CUL5: variants seen among roughly 807,000 people sequenced by gnomAD.
CUL5 encodes the protein cullin-5.
CUL5 carries 26 observed loss-of-function variants against 108.8 expected under a neutral mutation model. That is an observed-to-expected ratio of 0.24 (90% CI 0.18 to 0.33). The LOEUF (loss-of-function observed/expected upper bound fraction) is 0.33, where lower values mean the gene tolerates loss of function less well. CUL5 is among the 10% of genes least tolerant of loss of function. The pLI, the probability that CUL5 is intolerant of heterozygous loss-of-function variation, is 1.00. For synonymous variants in CUL5, 334 were observed against 298.0 expected (o/e 1.12, Z -1.25); for missense variants, 524 against 909.2 (o/e 0.58, Z 5.45).
chr11:108,075,101 A>G (rs187877209), intron 10 of CUL5, among the ~76,000 whole-genome samples: 1 of 152,158 alleles, frequency 6.6e-6, no homozygotes, highest in Non-Finnish European at 1.5e-5. Context: ...AAGAAAGAAT[A>G]CCAGTTAAGA....
chr11:108,074,903 T>C (rs559541269), intron 10 of CUL5, among the ~76,000 whole-genome samples: 5 of 152,294 alleles, frequency 3.3e-5, no homozygotes, highest in South Asian at 2.1e-4. Context: ...AAGTCTTAAA[T>C]TGAGTAGCCT....
At chr11:108,095,989 G>A (rs113689317) in intron 16 of CUL5, among the ~76,000 whole-genome samples, 20,324 of 151,326 alleles carry the variant, frequency 0.13, 1,469 homozygotes, top group African/African-American at 0.19. Context: ...CCAGCTACTT[G>A]GGAGGCTGAG....
intron 1 of CUL5, among the ~76,000 whole-genome samples, chr11:108,032,638 A>C (rs1862622422): frequency 6.6e-6 from 1 of 152,040 alleles, no homozygotes; most frequent in Admixed American, 6.6e-5. Context: ...ATTTTTCCTA[A>C]TATTGCACTA....
At chr11:108,078,986 C>T (rs1400680487) in intron 11 of CUL5, among the ~76,000 whole-genome samples, 1 of 152,060 alleles carries the variant, frequency 6.6e-6, no homozygotes, top group Non-Finnish European at 1.5e-5. Context: ...AATATGTTCT[C>T]TTTTATAAAC....
At chr11:108,032,743 A>G (rs573726308) in intron 1 of CUL5, among the ~76,000 whole-genome samples, 13 of 152,152 alleles carry the variant, frequency 8.5e-5, no homozygotes, top group African/African-American at 2.6e-4. Context: ...AGATTTTTGC[A>G]TCTTTGTTCT....
intron 4 of CUL5, among the ~76,000 whole-genome samples, chr11:108,050,285 T>C (rs1329741811): frequency 6.6e-6 from 1 of 152,200 alleles, no homozygotes; most frequent in Non-Finnish European, 1.5e-5. Flanking sequence ...ATCTGCATCT[T>C]CAACCATTAT....
chr11:108,080,127 T>TTTTC (rs148051994), intron 11 of CUL5, among the ~76,000 whole-genome samples: 1 of 143,262 alleles, frequency 7.0e-6, no homozygotes, highest in Non-Finnish European at 1.5e-5. Context: ...TTTTTTTTTT[T>TTTTC]CCGGTATTCG....
rs534474393 is a variant in CUL5, at chr11:108,104,686, G to A, written c.*302G>A. On this transcript the variant is annotated 3_prime_UTR_variant, in exon 19 of 19. Transcript: ENST00000393094. The stretch of plus-strand genomic sequence containing the variant: ...GTACCCACCAGGAGAAATACAGTTG[G>A]GAAGGGTGAGGGTGGGGTTCTTGTT... 3.0e-4 allele frequency: 59 copies of A among 199,130 alleles called. No homozygotes were observed. The highest frequency in any genetic ancestry group is 1.3e-3 in the African/African-American group (58 of 43,582). The allele number at this position is 199,130 out of a possible 1,614,324, so 12.3% of individuals were successfully genotyped here.
chr11:108,087,143 C>A (rs938263790), intron 11 of CUL5, among the ~76,000 whole-genome samples: 5 of 152,050 alleles, frequency 3.3e-5, no homozygotes, highest in Non-Finnish European at 7.4e-5. Context: ...CTAGTCTCAT[C>A]TACTTATTTA....
chr11:108,025,069 A>T (rs1234993262), intron 1 of CUL5, among the ~76,000 whole-genome samples: 2 of 152,186 alleles, frequency 1.3e-5, no homozygotes, highest in Non-Finnish European at 2.9e-5. Flanking sequence ...TTTTCTTCAA[A>T]TACTCTCTAC....
intron 3 of CUL5, among the ~76,000 whole-genome samples, chr11:108,049,307 C>T (rs1320834843): frequency 2.0e-5 from 3 of 151,158 alleles, no homozygotes; most frequent in African/African-American, 7.3e-5. Flanking sequence ...TTTGGATATA[C>T]CATATATTGT....
At chr11:108,100,853 AC>A (rs1295250330) in intron 18 of CUL5, among the ~76,000 whole-genome samples, 1 of 151,834 alleles carries the variant, frequency 6.6e-6, no homozygotes, top group Admixed American at 6.6e-5. Flanking sequence ...ACATGGTGAA[AC>A]CCCGTCTCTA....
At chr11:108,066,494 GTTAC>G (rs1863684165) in intron 7 of CUL5, among the ~76,000 whole-genome samples, 1 of 151,870 alleles carries the variant, frequency 6.6e-6, no homozygotes, top group Non-Finnish European at 1.5e-5. Flanking sequence ...AACTCACTCT[GTTAC>G]TTTTTTTTTT....
At chr11:108,021,439 T>C (rs1862324088) in intron 1 of CUL5, among the ~76,000 whole-genome samples, 1 of 152,202 alleles carries the variant, frequency 6.6e-6, no homozygotes, top group South Asian at 2.1e-4. Context: ...TGTAGCAAGA[T>C]ATACAGCAAT....
intron 8 of CUL5, among the ~76,000 whole-genome samples, 164 bp from the exon 9 acceptor site, chr11:108,072,168 G>C (rs1863841349): frequency 6.6e-6 from 1 of 152,068 alleles, no homozygotes; most frequent in African/African-American, 2.4e-5. Flanking sequence ...GACAGACTGG[G>C]ACCCTGTCTC....
chr11:108,045,302 A>C (rs1384109668), intron 2 of CUL5, among the ~76,000 whole-genome samples: 1 of 152,172 alleles, frequency 6.6e-6, no homozygotes, highest in Non-Finnish European at 1.5e-5. Flanking sequence ...TTAAGTGACT[A>C]ATTTTTTTAA....
At chr11:108,019,536 T>C (rs1862279320) in intron 1 of CUL5, among the ~76,000 whole-genome samples, 1 of 152,210 alleles carries the variant, frequency 6.6e-6, no homozygotes, top group African/African-American at 2.4e-5. Flanking sequence ...AGGATTATAA[T>C]GGGAGCTAAA....
intron 7 of CUL5, among the ~76,000 whole-genome samples, chr11:108,059,644 C>T (rs1160279634): frequency 2.0e-5 from 3 of 151,864 alleles, no homozygotes; most frequent in Admixed American, 2.0e-4. Context: ...TTAGGGAGGC[C>T]GAGATGGGTG....
intron 11 of CUL5, among the ~76,000 whole-genome samples, chr11:108,083,526 C>T (rs957646461): frequency 1.3e-5 from 2 of 152,228 alleles, no homozygotes; most frequent in African/African-American, 4.8e-5. Context: ...TGCCATGGCT[C>T]ATGCCTGTCA....
Sources: gnomAD v4.1 joint callset for allele counts (sites outside exome capture counted in the v4.1 genomes callset) on GRCh38, gnomAD v4.1.1 for gene constraint, MANE v1.5 for transcripts, NCBI Gene and HGNC (gene_info 2026-07-23, HGNC 2026-07-21) for gene names.